WDPCP: variants seen among roughly 807,000 people sequenced by gnomAD.
The protein encoded by WDPCP is WD repeat-containing and planar cell polarity effector protein fritz homolog.
WDPCP carries 71 observed loss-of-function variants against 93.1 expected under a neutral mutation model. The ratio of observed to expected loss-of-function variants is 0.76; its 90% CI spans 0.63 to 0.93. WDPCP has a LOEUF of 0.93. Ranked by LOEUF, WDPCP falls within the 40% of genes least tolerant of loss-of-function variation. The pLI is 0.00. For missense variants in WDPCP, 844 were observed against 887.4 expected, an observed-to-expected ratio of 0.95 and a Z score of 0.62; for synonymous variants, 315 against 315.0, an observed-to-expected ratio of 1.00 and a Z score of 0.00.
At position 63,310,674 on chromosome 2, in the gene WDPCP, G is replaced by A. The variant is rs148742913; in HGVS notation, c.1812+2574C>T. Among the ~76,000 whole-genome samples, 458 of 132,184 alleles carry A rather than the reference G, an allele frequency of 3.5e-3. 3 individuals carry two copies. Among genetic ancestry groups the A allele is most frequent in the African/African-American group, 0.012 (423 of 35,968 alleles). The allele number at this position is 132,184 out of a possible 152,430, so 86.7% of individuals were successfully genotyped here. ...GAATTAAGTAGATGCAACAGAGCCCGTATGGCTTGTAAAAAGTCTAAAATA... is the reference window on the plus strand; with the variant it reads ...GAATTAAGTAGATGCAACAGAGCCCATATGGCTTGTAAAAAGTCTAAAATA... On this transcript the variant is annotated intron_variant, in intron 13 of 17. Transcript: ENST00000272321.
At chr2:63,132,028 G>T (rs955862877) in intron 17 of WDPCP, among the ~76,000 whole-genome samples, 18 of 151,756 alleles carry the variant, frequency 1.2e-4, no homozygotes, top group African/African-American at 4.1e-4. Context: ...TAGAGATGGG[G>T]TTTCAACATG....
At chr2:63,580,532 C>T (rs1309688803) in intron 1 of WDPCP, among the ~76,000 whole-genome samples, 1 of 152,052 alleles carries the variant, frequency 6.6e-6, no homozygotes, top group Non-Finnish European at 1.5e-5. Flanking sequence ...AAAATGCAAG[C>T]CTGAATTTAA....
intron 4 of WDPCP, 29 bp from the exon 5 acceptor site, chr2:63,485,016 G>C (rs377382767): frequency 1.2e-6 from 2 of 1,611,282 alleles, no homozygotes; most frequent in South Asian, 1.1e-5. Context: ...ACTACAGTTA[G>C]TTAAACAAGA....
intron 6 of WDPCP, among the ~76,000 whole-genome samples, chr2:63,477,619 G>T (rs920187382): frequency 6.6e-6 from 1 of 151,968 alleles, no homozygotes; most frequent in Non-Finnish European, 1.5e-5. Flanking sequence ...ACTACCACAG[G>T]AACTTAACAG....
At chr2:63,128,419 G>T (rs1035934161) in intron 17 of WDPCP, among the ~76,000 whole-genome samples, 1 of 152,002 alleles carries the variant, frequency 6.6e-6, no homozygotes, top group Non-Finnish European at 1.5e-5. Flanking sequence ...GTTCCCAAGA[G>T]GTAACTAGAT....
chr2:63,216,573 G>A (rs1358739354), intron 14 of WDPCP, among the ~76,000 whole-genome samples: 4 of 152,082 alleles, frequency 2.6e-5, no homozygotes, highest in African/African-American at 9.7e-5. Flanking sequence ...ATTGGGGGAG[G>A]GGAGAGGGAT....
intron 3 of WDPCP, chr2:63,595,397 C>G (rs763526621): frequency 7.2e-7 from 1 of 1,388,910 alleles, no homozygotes; most frequent in African/African-American, 1.4e-5. Context: ...CCTACACTAA[C>G]AGATGCTGTC....
At position 63,429,397 on chromosome 2, in the gene WDPCP, AACAG is replaced by A. The variant is rs1696556626; in HGVS notation, c.825+4344_825+4347del. Among the ~76,000 whole-genome samples the A allele has an allele frequency of 2.0e-5, 3 of 152,178 alleles. No homozygotes were observed. In the South Asian group the frequency reaches 6.2e-4, roughly 32 times the overall value. The stretch of plus-strand genomic sequence containing the variant: ...AGCAAGAAACACTATAAAGAGAGTA[AACAG>A]ACAACCTACAGAATGAGAGAAAATA... On this transcript the variant is annotated intron_variant, in intron 9 of 17. Transcript: ENST00000272321.
intron 12 of WDPCP, among the ~76,000 whole-genome samples, chr2:63,362,401 G>A (rs1377777045): frequency 6.6e-6 from 1 of 151,228 alleles, no homozygotes; most frequent in African/African-American, 2.4e-5. Flanking sequence ...AGAGTGACTA[G>A]AAAATTTGTT....
At chr2:63,466,709 T>G (rs1699365239) in intron 6 of WDPCP, among the ~76,000 whole-genome samples, 1 of 152,146 alleles carries the variant, frequency 6.6e-6, no homozygotes, top group African/African-American at 2.4e-5. Context: ...AAAAGACACG[T>G]GAAAAACAAC....
At chr2:63,736,787 T>C (rs1445070322) in intron 2 of WDPCP, among the ~76,000 whole-genome samples, 2 of 152,234 alleles carry the variant, frequency 1.3e-5, no homozygotes, top group Non-Finnish European at 2.9e-5. Flanking sequence ...TGTGATTTTT[T>C]AAACCTCATA....
At chr2:63,279,940 A>T (rs1205218486) in intron 13 of WDPCP, among the ~76,000 whole-genome samples, 1 of 152,240 alleles carries the variant, frequency 6.6e-6, no homozygotes, top group Non-Finnish European at 1.5e-5. Flanking sequence ...AAAGACCTCC[A>T]CAAGGAAAAC....
At chr2:63,370,377 G>A (rs764443394) in intron 12 of WDPCP, among the ~76,000 whole-genome samples, 1 of 151,866 alleles carries the variant, frequency 6.6e-6, no homozygotes, top group African/African-American at 2.4e-5. Flanking sequence ...CCTAACCAAG[G>A]GTCTGTTCAG....
At chr2:63,537,944 T>G (rs1029013613) in intron 1 of WDPCP, among the ~76,000 whole-genome samples, 1 of 152,320 alleles carries the variant, frequency 6.6e-6, no homozygotes, top group African/African-American at 2.4e-5. Context: ...AATCAATGAA[T>G]GAATAAACAA....
chr2:63,196,535 A>C (rs1031745995), intron 14 of WDPCP, among the ~76,000 whole-genome samples: 2 of 152,220 alleles, frequency 1.3e-5, no homozygotes, highest in Non-Finnish European at 2.9e-5. Context: ...AACTTAAAGC[A>C]AAAGGAAGGT....
At chr2:63,590,230 C>G (rs938360948), upstream of WDPCP, 1 of 152,180 alleles carries the variant, frequency 6.6e-6, no homozygotes, top group African/African-American at 2.4e-5. Flanking sequence ...GCTTTTAGAA[C>G]TGAATGGGAT....
chr2:63,125,760 C>CA (rs1669855439), intron 17 of WDPCP, among the ~76,000 whole-genome samples: 1 of 152,062 alleles, frequency 6.6e-6, no homozygotes, highest in Admixed American at 6.6e-5. Flanking sequence ...AGGCGCACGT[C>CA]ACCACATCTG....
At chr2:63,463,820 A>G (rs1204776020) in intron 6 of WDPCP, among the ~76,000 whole-genome samples, 1 of 152,180 alleles carries the variant, frequency 6.6e-6, no homozygotes, top group Non-Finnish European at 1.5e-5. Flanking sequence ...CTTACCTTAC[A>G]TAATATACAA....
chr2:63,185,910 C>A (rs998429755), intron 14 of WDPCP, among the ~76,000 whole-genome samples: 1 of 146,308 alleles, frequency 6.8e-6, no homozygotes, highest in African/African-American at 2.8e-5. Flanking sequence ...GCTGCTCCCA[C>A]CTCCCGGCCC....
Sources: allele counts gnomAD v4.1 joint callset (sites outside exome capture counted in the v4.1 genomes callset), GRCh38; gene constraint gnomAD v4.1.1; transcripts MANE v1.5; gene names NCBI Gene and HGNC (gene_info 2026-07-23, HGNC 2026-07-21).